Variants in SRGAP1 observed in about 807,000 individuals in gnomAD.
SRGAP1 encodes the protein SLIT-ROBO Rho GTPase-activating protein 1.
A neutral mutation model predicts 121.9 loss-of-function variants in SRGAP1; 43 were observed. The ratio of observed to expected loss-of-function variants is 0.35; its 90% CI spans 0.28 to 0.46. The LOEUF is 0.46. Among genes scored for constraint, SRGAP1 ranks in the 20% least tolerant of loss-of-function variants. The probability of loss-of-function intolerance (pLI) is 1.00; values close to 1 mark genes in which losing one functional copy is unlikely to be tolerated. For synonymous variants in SRGAP1, 447 were observed against 485.4 expected (o/e 0.92, Z 1.04); for missense variants, 1,102 against 1,350.9 (o/e 0.82, Z 2.89).
intron 4 of SRGAP1, among the ~76,000 whole-genome samples, chr12:64,033,892 C>A (rs975039720): frequency 1.3e-5 from 2 of 150,432 alleles, no homozygotes; most frequent in South Asian, 2.1e-4. Flanking sequence ...CAGTGGCAGG[C>A]GCCTGTAATC....
At chr12:64,059,843 A>G (rs1465432526) in intron 6 of SRGAP1, among the ~76,000 whole-genome samples, 1 of 152,210 alleles carries the variant, frequency 6.6e-6, no homozygotes, top group African/African-American at 2.4e-5. Context: ...TCCACTGGAA[A>G]TGTATTAATG....
In SRGAP1 at chr12:64,142,837, C is replaced by T. The variant is rs1467637095; in HGVS notation, c.*165C>T. 9 of 903,960 alleles carry T rather than the reference C, an allele frequency of 1.0e-5. No individual in the cohort carries two copies. Among genetic ancestry groups the T allele is most frequent in the South Asian group, 5.7e-5 (3 of 52,250 alleles). The allele number at this position is 903,960 out of a possible 1,614,324, so 56.0% of individuals were successfully genotyped here. On this transcript the variant is annotated 3_prime_UTR_variant, in exon 22 of 22. Coordinates refer to ENST00000355086, the MANE Select transcript of SRGAP1 (RefSeq NM_020762.4). ...ATGTCTGAGACTAGCTAAATTAACA[C>T]GGGCATTTGTATTTTGTAATTTTTT...
intron 18 of SRGAP1, among the ~76,000 whole-genome samples, chr12:64,119,770 C>CTTT (rs997729181): frequency 6.5e-5 from 7 of 107,454 alleles, no homozygotes; most frequent in African/African-American, 1.7e-4. Flanking sequence ...TTATTTGTTT[C>CTTT]TTTTTTTTTT....
chr12:64,067,176 G>T (rs1291844368), intron 8 of SRGAP1, among the ~76,000 whole-genome samples: 2 of 152,182 alleles, frequency 1.3e-5, no homozygotes, highest in African/African-American at 4.8e-5. Context: ...GCCTCCGCAG[G>T]CCTTTGAGTT....
intron 1 of SRGAP1, among the ~76,000 whole-genome samples, chr12:63,886,284 G>A (rs1900378806): frequency 1.3e-5 from 2 of 151,982 alleles, no homozygotes; most frequent in Non-Finnish European, 1.5e-5. Flanking sequence ...CTGGTCTCAA[G>A]CTCCGGAGCT....
At chr12:64,041,512 G>C (rs1307086463) in intron 4 of SRGAP1, among the ~76,000 whole-genome samples, 1 of 151,890 alleles carries the variant, frequency 6.6e-6, no homozygotes, top group East Asian at 1.9e-4. Context: ...AGCCTCCCAA[G>C]TAGCTGGCTC....
chr12:64,138,521 C>T (rs1224319118), intron 21 of SRGAP1, among the ~76,000 whole-genome samples: 6 of 135,108 alleles, frequency 4.4e-5, no homozygotes, highest in South Asian at 2.3e-4. Context: ...AGTGAAGTGG[C>T]GCCATCTCGG....
chr12:64,011,869 A>T (rs969532783), intron 3 of SRGAP1, among the ~76,000 whole-genome samples: 3 of 152,194 alleles, frequency 2.0e-5, no homozygotes, highest in Non-Finnish European at 4.4e-5. Flanking sequence ...TAATCCCAGC[A>T]CTTTGGGAGG....
chr12:63,978,053 T>G (rs1347738469), intron 1 of SRGAP1, among the ~76,000 whole-genome samples: 3 of 152,176 alleles, frequency 2.0e-5, no homozygotes, highest in Admixed American at 6.5e-5. Flanking sequence ...CCTTTTAAAG[T>G]GCTTGTCCCC....
chr12:64,087,597 G>A (rs1241884465), intron 11 of SRGAP1, among the ~76,000 whole-genome samples: 4 of 151,936 alleles, frequency 2.6e-5, no homozygotes, highest in Non-Finnish European at 5.9e-5. Flanking sequence ...TTAGCCGGGC[G>A]TGGTGGTGTG....
chr12:63,891,097 C>A (rs1460123600), intron 1 of SRGAP1, among the ~76,000 whole-genome samples: 1 of 152,146 alleles, frequency 6.6e-6, no homozygotes, highest in East Asian at 1.9e-4. Flanking sequence ...TGGATCTTGC[C>A]CTCTCTTGTT....
At chr12:63,990,106 C>A in intron 3 of SRGAP1, 34 bp downstream of exon 3, 1 of 1,524,482 alleles carries the variant, frequency 6.6e-7, no homozygotes, top group Non-Finnish European at 8.9e-7. Flanking sequence ...AGTGTGCTTT[C>A]CAATAACTGC....
At chr12:64,046,934 A>T (rs936326204) in intron 6 of SRGAP1, among the ~76,000 whole-genome samples, 10 of 152,268 alleles carry the variant, frequency 6.6e-5, no homozygotes, top group Admixed American at 5.9e-4. Context: ...AAAACAAAAC[A>T]AAACTGAGAT....
chr12:63,948,853 CAT>C (rs538533099), intron 1 of SRGAP1, among the ~76,000 whole-genome samples: 34 of 104,362 alleles, frequency 3.3e-4, no homozygotes, highest in African/African-American at 7.9e-4. Context: ...ATATATTTTC[CAT>C]ATATATATAT....
chr12:64,052,238 C>T (rs2035251005), intron 6 of SRGAP1, among the ~76,000 whole-genome samples: 1 of 152,146 alleles, frequency 6.6e-6, no homozygotes, highest in African/African-American at 2.4e-5. Flanking sequence ...ACTTGGAGAA[C>T]TTCTGAAATA....
intron 1 of SRGAP1, 142 bp downstream of exon 1, chr12:63,845,025 C>T: frequency 1.3e-6 from 1 of 793,338 alleles, no homozygotes; most frequent in South Asian, 1.5e-5. Context: ...ACCTGGGCTT[C>T]CTACAAGCCA....
At chr12:63,961,233 G>A (rs1359902573) in intron 1 of SRGAP1, among the ~76,000 whole-genome samples, 1 of 152,196 alleles carries the variant, frequency 6.6e-6, no homozygotes, top group African/African-American at 2.4e-5. Context: ...ACTGTACTGT[G>A]TAGTGTCAGC....
At chr12:64,020,475 A>G (rs1391020081) in intron 4 of SRGAP1, among the ~76,000 whole-genome samples, 2 of 152,172 alleles carry the variant, frequency 1.3e-5, no homozygotes, top group African/African-American at 4.8e-5. Flanking sequence ...AAAAAAAGAA[A>G]AAGGCCTCAA....
At chr12:64,012,062 A>G (rs1032506854) in intron 3 of SRGAP1, among the ~76,000 whole-genome samples, 3 of 151,240 alleles carry the variant, frequency 2.0e-5, no homozygotes, top group African/African-American at 7.4e-5. Context: ...ACCCTGTGTC[A>G]AACAAACAAA....
Sources: gnomAD v4.1 joint callset for allele counts (sites outside exome capture counted in the v4.1 genomes callset) on GRCh38, gnomAD v4.1.1 for gene constraint, MANE v1.5 for transcripts, NCBI Gene and HGNC (gene_info 2026-07-23, HGNC 2026-07-21) for gene names.